The following MTUS2 variants were observed in gnomAD, a reference collection of about 807,000 sequenced individuals.
The protein encoded by MTUS2 is microtubule-associated tumor suppressor candidate 2.
MTUS2 carries 40 observed loss-of-function variants against 114.1 expected under a neutral mutation model. That is an observed-to-expected ratio of 0.35 (90% CI 0.27 to 0.46). The LOEUF (loss-of-function observed/expected upper bound fraction) is 0.46, where lower values mean the gene tolerates loss of function less well. Among genes scored for constraint, MTUS2 ranks in the 20% least tolerant of loss-of-function variants. The probability of loss-of-function intolerance (pLI) is 1.00; values close to 1 mark genes in which losing one functional copy is unlikely to be tolerated. For synonymous variants in MTUS2, 688 were observed against 672.0 expected, an observed-to-expected ratio of 1.02 and a Z score of -0.37; for missense variants, 1,679 against 1,705.4, an observed-to-expected ratio of 0.98 and a Z score of 0.27.
chr13:29,479,960 C>T, intron 9 of MTUS2, 190 bp from the exon 10 acceptor site: 1 of 525,842 alleles, frequency 1.9e-6, no homozygotes, highest in Non-Finnish European at 3.3e-6. Context: ...AGCTTCTCAA[C>T]ATCCAGGGTC....
At chr13:29,457,937 A>T (rs980655194) in intron 9 of MTUS2, among the ~76,000 whole-genome samples, 1 of 152,132 alleles carries the variant, frequency 6.6e-6, no homozygotes, top group Non-Finnish European at 1.5e-5. Flanking sequence ...GATTTTTAGT[A>T]GAGAGAAGGT....
intron 2 of MTUS2, among the ~76,000 whole-genome samples, chr13:29,016,589 C>T (rs1886077188): frequency 1.3e-5 from 2 of 152,094 alleles, no homozygotes; most frequent in Admixed American, 1.3e-4. Flanking sequence ...CTTCTTTATT[C>T]TTTCTACTCA....
At chr13:28,982,036 A>G (rs1051978482) in intron 2 of MTUS2, among the ~76,000 whole-genome samples, 3 of 152,190 alleles carry the variant, frequency 2.0e-5, no homozygotes, top group African/African-American at 7.2e-5. Context: ...TGGTGAATCA[A>G]TCTTGGCTGT....
At chr13:29,183,997 A>T (rs893097112) in intron 5 of MTUS2, among the ~76,000 whole-genome samples, 1 of 152,224 alleles carries the variant, frequency 6.6e-6, no homozygotes, top group African/African-American at 2.4e-5. Flanking sequence ...CTTACCATCT[A>T]GATTCAACAA....
intron 4 of MTUS2, among the ~76,000 whole-genome samples, chr13:29,086,245 A>G (rs1889686916): frequency 6.6e-6 from 1 of 152,076 alleles, no homozygotes; most frequent in Admixed American, 6.6e-5. Context: ...TGTTTATGCT[A>G]TTGATAGGTT....
intron 6 of MTUS2, among the ~76,000 whole-genome samples, chr13:29,304,337 A>G (rs1240337000): frequency 6.6e-6 from 1 of 152,208 alleles, no homozygotes; most frequent in East Asian, 1.9e-4. Context: ...TGAAAGGCAC[A>G]GAATGGCAAG....
rs574955035 is a variant in MTUS2 at position 29,273,651 on chromosome 13, G to A, written c.2645-8053G>A. 8.5e-5 allele frequency among the ~76,000 whole-genome samples: 13 copies of A among 152,144 alleles called. No homozygotes were observed. In the South Asian group the frequency reaches 2.1e-3, roughly 24 times the overall value. On this transcript the variant is annotated intron_variant, in intron 5 of 15. Transcript: ENST00000612955. ...ATGCAATATCACCCCTATTTAATTC[G>A]AGAACATATTTAATCACCCCAGAAG...
At chr13:29,389,257 A>G (rs1433063334) in intron 8 of MTUS2, among the ~76,000 whole-genome samples, 1 of 139,756 alleles carries the variant, frequency 7.2e-6, no homozygotes, top group Non-Finnish European at 1.5e-5. Context: ...ATATGTATAC[A>G]CATGTGTGTA....
intron 2 of MTUS2, among the ~76,000 whole-genome samples, chr13:29,006,227 T>C (rs1326145077): frequency 2.0e-5 from 3 of 152,134 alleles, no homozygotes; most frequent in Admixed American, 1.3e-4. Context: ...AAAAGTTTAG[T>C]TGTGGGCACA....
intron 2 of MTUS2, among the ~76,000 whole-genome samples, chr13:28,858,832 A>G (rs1487442390): frequency 1.3e-5 from 2 of 152,106 alleles, no homozygotes; most frequent in African/African-American, 4.8e-5. Context: ...GGTGGGGATG[A>G]AGTTCAGATA....
chr13:29,002,818 T>C (rs1272374749), intron 2 of MTUS2, among the ~76,000 whole-genome samples: 1 of 152,196 alleles, frequency 6.6e-6, no homozygotes, highest in Middle Eastern at 3.2e-3. Flanking sequence ...TTGACATAAT[T>C]CAAACTTTAA....
At chr13:29,441,636 CT>C (rs1178112299) in intron 9 of MTUS2, among the ~76,000 whole-genome samples, 1 of 152,126 alleles carries the variant, frequency 6.6e-6, no homozygotes, top group East Asian at 1.9e-4. Context: ...TGAAGGGAAG[CT>C]CCTGGTACAC....
At chr13:29,327,908 C>T (rs1253393708) in intron 7 of MTUS2, among the ~76,000 whole-genome samples, 1 of 152,048 alleles carries the variant, frequency 6.6e-6, no homozygotes, top group Non-Finnish European at 1.5e-5. Flanking sequence ...TATAATCAGT[C>T]TTTTTTTATA....
intron 5 of MTUS2, among the ~76,000 whole-genome samples, chr13:29,231,430 A>G (rs746983649): frequency 6.6e-5 from 10 of 152,238 alleles, no homozygotes; most frequent in Non-Finnish European, 1.5e-4. Flanking sequence ...GATAGAGCTT[A>G]CAGTGCTCAC....
rs556156993 is a variant in MTUS2, at chr13:29,480,873, C to G, written c.3399+509C>G. Among the ~76,000 whole-genome samples the G allele has an allele frequency of 5.6e-4, 86 of 152,320 alleles. No homozygotes were observed. Among genetic ancestry groups the G allele is most frequent in the Non-Finnish European group, 1.2e-3 (80 of 68,034 alleles). On this transcript the variant is annotated intron_variant, in intron 10 of 15. Coordinates refer to ENST00000612955, the MANE Select transcript of MTUS2 (RefSeq NM_001033602.4). The surrounding 1 kb of genome is among the most constrained non-coding windows in gnomAD (Gnocchi z 4.4). The stretch of plus-strand genomic sequence containing the variant: ...CACTCGTCCTACACCAGACACTGCT[C>G]TAAGCTCTTTACAGGAACTGACTCA...
At chr13:28,820,244 CCCTCGAGCGGGGGCGGCGGCCTGGG>C (rs1873791311), upstream of MTUS2, 1 of 146,496 alleles carries the variant, frequency 6.8e-6, no homozygotes, top group African/African-American at 2.5e-5. Context: ...TGCGCCCCGG[CCCTCGAGCGGGGGCGGCGGCCTGGG>C]CGGTGCCTGC....
At chr13:29,356,449 T>G (rs1166355774) in intron 7 of MTUS2, among the ~76,000 whole-genome samples, 1 of 152,206 alleles carries the variant, frequency 6.6e-6, no homozygotes, top group Admixed American at 6.5e-5. Context: ...CTGAAACAGC[T>G]GAAGCTGGCC....
At position 29,025,842 on chromosome 13, in the gene MTUS2, AGAG is replaced by A; in HGVS notation, c.1148_1150del (p.Gly383del). 1 of 1,613,700 alleles carries A rather than the reference AGAG, an allele frequency of 6.2e-7. No individual in the cohort carries two copies. The highest frequency in any genetic ancestry group is 2.2e-5 in the East Asian group (1 of 44,870). On this transcript the variant is annotated inframe_deletion, in exon 3 of 16. Coordinates refer to ENST00000612955, the MANE Select transcript of MTUS2 (RefSeq NM_001033602.4). Reference sequence around the variant, plus strand: ...GGGAAGAGGCAACTGTGAAGAGAAGAGAGGAGTCAACCCAGGGGAGCAGGATTC... The same window carrying A: ...GGGAAGAGGCAACTGTGAAGAGAAGAGAGTCAACCCAGGGGAGCAGGATTC...
intron 2 of MTUS2, among the ~76,000 whole-genome samples, chr13:28,889,936 C>T (rs569243886): frequency 1.4e-3 from 213 of 152,216 alleles, no homozygotes; most frequent in African/African-American, 4.4e-3. Context: ...ATGTGGGGTG[C>T]CCCAGTGATA....
Sources: gnomAD v4.1 joint callset for allele counts (sites outside exome capture counted in the v4.1 genomes callset) on GRCh38, gnomAD v4.1.1 for gene constraint, Gnocchi (gnomAD v3.1) non-coding constraint, MANE v1.5 for transcripts, NCBI Gene and HGNC (gene_info 2026-07-23, HGNC 2026-07-21) for gene names.